BCAS3: variants seen among roughly 807,000 people sequenced by gnomAD.
BCAS3 encodes the protein BCAS3 microtubule associated cell migration factor.
In BCAS3, 53 loss-of-function variants were observed where a neutral mutation model predicts 116.1. That is an observed-to-expected ratio of 0.46 (90% CI 0.37 to 0.57). The LOEUF is 0.57. Among genes scored for constraint, BCAS3 ranks in the 20% least tolerant of loss-of-function variants. The pLI is 0.00. For missense variants in BCAS3, 917 were observed against 1,165.4 expected (o/e 0.79, Z 3.10); for synonymous variants, 391 against 408.2 (o/e 0.96, Z 0.51).
intron 22 of BCAS3, among the ~76,000 whole-genome samples, chr17:61,342,466 C>T (rs1008000285): frequency 3.9e-5 from 6 of 152,080 alleles, no homozygotes; most frequent in South Asian, 2.1e-4. Context: ...TTCTTAAGAA[C>T]GCCATTCCCT....
At chr17:61,092,744 A>G (rs1317467894) in intron 22 of BCAS3, among the ~76,000 whole-genome samples, 2 of 152,040 alleles carry the variant, frequency 1.3e-5, no homozygotes, top group South Asian at 2.1e-4. Flanking sequence ...TATTCTGGAT[A>G]TGGTCCTTTT....
chr17:61,074,442 C>T (rs903909214), intron 19 of BCAS3, among the ~76,000 whole-genome samples: 55 of 152,218 alleles, frequency 3.6e-4, no homozygotes, highest in African/African-American at 6.0e-4. Context: ...TTGACTATGT[C>T]ATACCACTTA....
At position 61,344,027 on chromosome 17, in the gene BCAS3, T is replaced by C. The variant is rs1473381970; in HGVS notation, c.2426-24300T>C. 6.6e-6 allele frequency among the ~76,000 whole-genome samples: 1 copy of C among 151,996 alleles called. No individual in the cohort carries two copies. On this transcript the variant is annotated intron_variant, in intron 22 of 23. Coordinates refer to ENST00000407086, the MANE Select transcript of BCAS3 (RefSeq NM_017679.5). The surrounding 1 kb of genome is among the most constrained non-coding windows in gnomAD (Gnocchi z 4.1). ...ATGTGGTTGGCAAGAAGGTCCTGAG[T>C]GTGCTGAGACAGGCAAGAGTCAGTA...
In BCAS3 at chr17:61,380,980, T is replaced by C. The variant is rs116741434; in HGVS notation, c.2594-10997T>C. 2.3e-3 allele frequency among the ~76,000 whole-genome samples: 352 copies of C among 152,356 alleles called. 1 individual carries two copies. Among genetic ancestry groups the C allele is most frequent in the African/African-American group, 8.2e-3 (343 of 41,594 alleles). On this transcript the variant is annotated intron_variant, in intron 23 of 23. Coordinates refer to ENST00000407086, the MANE Select transcript of BCAS3 (RefSeq NM_017679.5). This position sits in a 1 kb window ranked among gnomAD's most constrained non-coding sequence, Gnocchi z 4.2. ...AGCCTGGAGCTGGCCCCTAGTATAA[T>C]TGGTGCTGTCTCTATTTTTACATCA...
At chr17:60,776,361 C>T (rs893511981) in intron 6 of BCAS3, among the ~76,000 whole-genome samples, 2 of 152,092 alleles carry the variant, frequency 1.3e-5, no homozygotes, top group African/African-American at 4.8e-5. Flanking sequence ...GTTGTTTAAC[C>T]TTTATACATT....
rs1321771982 is a variant in BCAS3, at chr17:61,235,282, T to C, written c.2426-133045T>C. Among the ~76,000 whole-genome samples, 2 of 152,174 alleles carry C rather than the reference T, an allele frequency of 1.3e-5. No homozygotes were observed. The highest frequency in any genetic ancestry group is 2.9e-5 in the Non-Finnish European group (2 of 68,032). ...GGTGAAGGCTGAAGGACCGGATAAG[T>C]GTAGTTTCCAGAATCCTTCTTGGCT... On this transcript the variant is annotated intron_variant, in intron 22 of 23. Transcript: ENST00000407086. This position sits in a 1 kb window ranked among gnomAD's most constrained non-coding sequence, Gnocchi z 5.0.
Position 61,071,492 on chromosome 17 carries a change from AT to A in BCAS3, c.2030-3426del, listed in dbSNP as rs2071424600. Among the ~76,000 whole-genome samples the A allele has an allele frequency of 4.6e-5, 7 of 152,268 alleles. No individual in the cohort carries two copies. In the South Asian group the frequency reaches 1.4e-3, roughly 32 times the overall value. ...GGATCTTGTTGAAATGCAGATTGTA[AT>A]TCAGTAGGGCTGGGTGGGTGGAGCC... On this transcript the variant is annotated intron_variant, in intron 19 of 23. Transcript: ENST00000407086.
chr17:60,874,375 A>G (rs2055398882), intron 8 of BCAS3, among the ~76,000 whole-genome samples: 1 of 152,202 alleles, frequency 6.6e-6, no homozygotes, highest in Non-Finnish European at 1.5e-5. Context: ...CCTGGCTGAA[A>G]CAAAACTATT....
intron 14 of BCAS3, among the ~76,000 whole-genome samples, chr17:60,963,010 A>G (rs574804959): frequency 3.9e-5 from 6 of 152,214 alleles, no homozygotes; most frequent in African/African-American, 1.4e-4. Flanking sequence ...TTACCTTCTT[A>G]TGTTCTTGGC....
intron 4 of BCAS3, among the ~76,000 whole-genome samples, chr17:60,692,380 G>A (rs1442706098): frequency 6.6e-6 from 1 of 151,896 alleles, no homozygotes; most frequent in African/African-American, 2.4e-5. Flanking sequence ...TAGCTGGGAC[G>A]ACAGGCACCC....
In BCAS3 at chr17:60,680,027, G is replaced by A. The variant is rs182982642; in HGVS notation, c.83+487G>A. On this transcript the variant is annotated intron_variant, in intron 2 of 23. Transcript: ENST00000407086. ...GTGGCCCCTGTAGTCCCAGCTACTC[G>A]GGAGGCTGAGTCAGGAGAATGACGT... Among the ~76,000 whole-genome samples the A allele has an allele frequency of 1.7e-3, 255 of 151,584 alleles. 1 individual carries two copies. The highest frequency in any genetic ancestry group is 5.9e-3 in the African/African-American group (242 of 41,346).
intron 14 of BCAS3, among the ~76,000 whole-genome samples, chr17:60,978,441 A>G (rs1173865513): frequency 6.7e-6 from 1 of 149,858 alleles, no homozygotes; most frequent in Non-Finnish European, 1.5e-5. Flanking sequence ...ATTTTCTCCC[A>G]TTTTGTAGGT....
intron 22 of BCAS3, among the ~76,000 whole-genome samples, chr17:61,093,160 G>A (rs1039478109): frequency 3.0e-4 from 46 of 151,792 alleles, no homozygotes; most frequent in African/African-American, 1.0e-3. Context: ...TGCCTGCCTC[G>A]GCCTCCCAAA....
At chr17:60,817,545 A>G (rs2049540072) in intron 7 of BCAS3, among the ~76,000 whole-genome samples, 1 of 152,230 alleles carries the variant, frequency 6.6e-6, no homozygotes, top group African/African-American at 2.4e-5. Context: ...AAGTGGAAAG[A>G]ACCTTGTAGA....
intron 4 of BCAS3, among the ~76,000 whole-genome samples, chr17:60,700,824 G>A (rs1032445660): frequency 6.6e-6 from 1 of 152,174 alleles, no homozygotes; most frequent in African/African-American, 2.4e-5. Context: ...AGAGATTATT[G>A]GTGACCATTA....
At position 61,313,189 on chromosome 17, in the gene BCAS3, C is replaced by A. The variant is rs1251890849; in HGVS notation, c.2426-55138C>A. Among the ~76,000 whole-genome samples, 3 of 152,176 alleles carry A rather than the reference C, an allele frequency of 2.0e-5. No individual in the cohort carries two copies. Among genetic ancestry groups the A allele is most frequent in the Non-Finnish European group, 4.4e-5 (3 of 68,032 alleles). ...GGCAATTACTGCCAGGTAGAGAAAG[C>A]GAATGCTGTTATTTTGCTCTAAGAG... On this transcript the variant is annotated intron_variant, in intron 22 of 23. Transcript: ENST00000407086. The surrounding 1 kb of genome is among the most constrained non-coding windows in gnomAD (Gnocchi z 4.3).
At chr17:61,274,921 C>T (rs542936054) in intron 22 of BCAS3, among the ~76,000 whole-genome samples, 2 of 152,286 alleles carry the variant, frequency 1.3e-5, no homozygotes, top group Admixed American at 1.3e-4. Context: ...TGCAGTAGTG[C>T]AAACATGGCT....
chr17:61,240,770 T>C (rs1276167675), intron 22 of BCAS3, among the ~76,000 whole-genome samples: 5 of 152,216 alleles, frequency 3.3e-5, no homozygotes, highest in African/African-American at 1.2e-4. Flanking sequence ...AACAGATTCA[T>C]TTACCTATAT....
intron 22 of BCAS3, among the ~76,000 whole-genome samples, chr17:61,111,044 A>G (rs1162040679): frequency 2.0e-5 from 3 of 151,476 alleles, no homozygotes; most frequent in African/African-American, 4.8e-5. Flanking sequence ...TAGAAGGAAA[A>G]CTAACAAACA....
Sources: allele counts gnomAD v4.1 joint callset (sites outside exome capture counted in the v4.1 genomes callset), GRCh38; gene constraint gnomAD v4.1.1; non-coding constraint Gnocchi (gnomAD v3.1); transcripts MANE v1.5; gene names NCBI Gene and HGNC (gene_info 2026-07-23, HGNC 2026-07-21).